Variants in LRRC53 observed in about 807,000 individuals in gnomAD.
LRRC53 encodes the protein leucine rich repeat containing 53.
In LRRC53, 25 loss-of-function variants were observed where a neutral mutation model predicts 13.6. The ratio of observed to expected loss-of-function variants is 1.83; its 90% CI spans 1.34 to 2.56. The LOEUF is 2.56. LRRC53 is among the 30% of genes most tolerant of loss of function. The pLI is 0.00. For missense variants in LRRC53, 527 were observed against 275.8 expected (o/e 1.91, Z -6.45); for synonymous variants, 204 against 109.8 (o/e 1.86, Z -5.37).
chr1:74,501,416 G>A (rs993244215), intron 1 of LRRC53, among the ~76,000 whole-genome samples: 2 of 152,092 alleles, frequency 1.3e-5, no homozygotes, highest in Non-Finnish European at 2.9e-5. Flanking sequence ...ATTTTATCTG[G>A]AGACATTAAT....
chr1:74,534,264 T>A, the LRRC53 span, among the ~76,000 whole-genome samples: 1 of 152,154 alleles, frequency 6.6e-6, no homozygotes, highest in Non-Finnish European at 1.5e-5. Context: ...TCTGTTATAA[T>A]TCACCAAATC....
chr1:74,495,224 G>C (rs947673855), intron 1 of LRRC53, among the ~76,000 whole-genome samples: 1 of 152,206 alleles, frequency 6.6e-6, no homozygotes, highest in South Asian at 2.1e-4. Flanking sequence ...TGCTGTGAGC[G>C]TGCATTCAAG....
upstream of LRRC53, among the ~76,000 whole-genome samples, chr1:74,516,452 G>A (rs556848504): frequency 6.6e-6 from 1 of 152,322 alleles, no homozygotes; most frequent in African/African-American, 2.4e-5. Context: ...AGGTGTCACA[G>A]TAAAGAGATG....
chr1:74,521,938 T>C, the LRRC53 span, among the ~76,000 whole-genome samples: 1 of 152,190 alleles, frequency 6.6e-6, no homozygotes, highest in Non-Finnish European at 1.5e-5. Flanking sequence ...ATTCTGGGGC[T>C]GCATCCAACT....
Position 74,471,513 on chromosome 1 carries a change from G to A in LRRC53, c.2109C>T (p.Thr703=). ...TTTTCCCTTTGAGGTCAGACTGAGG[G>A]GTTCTCTTCCTTTTCAGAACCCATG... ...TNSWVLKRKR[T]PQSDLKGKIK... The change falls in exon 5 of 5, where the codon ACC becomes ACT. Residue 703 remains threonine, a synonymous_variant. Coordinates refer to ENST00000294635, the MANE Select transcript of LRRC53 (RefSeq NM_001382280.1). 2.5e-6 allele frequency: 1 copy of A among 400,490 alleles called. No individual in the cohort carries two copies. The highest frequency in any genetic ancestry group is 1.3e-4 in the South Asian group (1 of 7,936). The allele number at this position is 400,490 out of a possible 1,614,324, so 24.8% of individuals were successfully genotyped here.
chr1:74,526,301 A>G, the LRRC53 span, among the ~76,000 whole-genome samples: 1 of 152,186 alleles, frequency 6.6e-6, no homozygotes, highest in Admixed American at 6.5e-5. Flanking sequence ...GGGGAAAAGA[A>G]TATGTATTGC....
At chr1:74,534,375 A>G in the LRRC53 span, among the ~76,000 whole-genome samples, 1 of 152,236 alleles carries the variant, frequency 6.6e-6, no homozygotes, top group South Asian at 2.1e-4. Context: ...TTTGGAATGC[A>G]ATTCAGTCAG....
chr1:74,514,389 G>T (rs748329288), upstream of LRRC53, among the ~76,000 whole-genome samples: 4 of 152,152 alleles, frequency 2.6e-5, no homozygotes, highest in African/African-American at 9.7e-5. Flanking sequence ...GTTCCTTATC[G>T]AGAGGAAGCA....
rs1667836795 is a variant in LRRC53 at position 74,469,832 on chromosome 1, AAAG to A, written c.*43_*45del. The A allele has an allele frequency of 5.0e-6, 2 of 400,062 alleles. No homozygotes were observed. Among genetic ancestry groups the A allele is most frequent in the Non-Finnish European group, 8.9e-6 (2 of 225,824 alleles). 24.8% of individuals were successfully genotyped at this position (400,062 alleles called of 1,614,324 possible). A position where few individuals can be genotyped will look rare whatever the true frequency, so the allele number is the denominator to read the frequency against. ...CTAGTGGGTGTTTGTCCTCTTGAAG[AAAG>A]CTAAAGTAGAAAAGGATTATTATTT... is the stretch of plus-strand genomic sequence containing the variant. On this transcript the variant is annotated 3_prime_UTR_variant, in exon 5 of 5. Coordinates refer to ENST00000294635, the MANE Select transcript of LRRC53 (RefSeq NM_001382280.1).
chr1:74,493,103 G>T (rs1306616268), intron 1 of LRRC53, among the ~76,000 whole-genome samples: 1 of 152,066 alleles, frequency 6.6e-6, no homozygotes, highest in Non-Finnish European at 1.5e-5. Context: ...CACATGGGAG[G>T]CTAGGGTTTC....
chr1:74,511,749 C>G (rs1405472731), intron 1 of LRRC53, among the ~76,000 whole-genome samples: 1 of 151,882 alleles, frequency 6.6e-6, no homozygotes, highest in East Asian at 1.9e-4. Context: ...TGAGAAGAGT[C>G]AAGGTAGGCT....
At chr1:74,523,022 G>A in the LRRC53 span, among the ~76,000 whole-genome samples, 1 of 152,160 alleles carries the variant, frequency 6.6e-6, no homozygotes, top group Non-Finnish European at 1.5e-5. Context: ...AGATCACAAG[G>A]TTTCTGTAAT....
intron 1 of LRRC53, 80 bp from the exon 2 acceptor site, chr1:74,483,455 G>A (rs1378040997): frequency 1.6e-6 from 1 of 626,678 alleles, no homozygotes; most frequent in African/African-American, 1.8e-5. Flanking sequence ...AGGTCATGAG[G>A]CATTTTGGTA....
chr1:74,501,474 G>GTGTGTGTTTGTT (rs138060844), intron 1 of LRRC53, among the ~76,000 whole-genome samples: 2 of 149,820 alleles, frequency 1.3e-5, no homozygotes, highest in African/African-American at 4.9e-5. Flanking sequence ...TTTTTGTTTT[G>GTGTGTGTTTGTT]TGTTTGTTTG....
intron 3 of LRRC53, among the ~76,000 whole-genome samples, chr1:74,476,695 A>G (rs1171719340): frequency 6.6e-6 from 1 of 152,190 alleles, no homozygotes; most frequent in African/African-American, 2.4e-5. Context: ...TACAGATTGA[A>G]TAAAGAGATC....
intron 3 of LRRC53, among the ~76,000 whole-genome samples, 196 bp downstream of exon 3, chr1:74,479,957 T>C (rs1460224998): frequency 2.0e-5 from 3 of 152,224 alleles, no homozygotes; most frequent in African/African-American, 7.2e-5. Context: ...CCCTTTCCTC[T>C]ATGTTAGACA....
In LRRC53 at chr1:74,469,911, T is replaced by G. The variant is rs887377703; in HGVS notation, c.3711A>C (p.Glu1237Asp). The stretch of plus-strand genomic sequence containing the variant: ...TTTCTAAAGGTGATGTAGTAGCATA[T>G]TCAGCAGATGGTGGATACAGTACAG... Reference protein sequence around the residue: ...PKPVLYPPSAEYATTSPLETE With the variant: ...PKPVLYPPSADYATTSPLETE Residue 1237 changes from glutamate (E) to aspartate (D), a missense_variant, in exon 5 of 5, where the codon GAA becomes GAC. Transcript: ENST00000294635. The G allele has an allele frequency of 1.7e-5, 7 of 400,548 alleles. No individual in the cohort carries two copies. Among genetic ancestry groups the G allele is most frequent in the Admixed American group, 4.4e-5 (1 of 22,722 alleles). The allele number at this position is 400,548 out of a possible 1,614,324, so 24.8% of individuals were successfully genotyped here. A position where few individuals can be genotyped will look rare whatever the true frequency, so the allele number is the denominator to read the frequency against.
rs574580455 is a variant in LRRC53 at position 74,498,921 on chromosome 1, T to G, written c.-27+13605A>C. On this transcript the variant is annotated intron_variant, in intron 1 of 4. Transcript: ENST00000294635. Reference sequence around the variant, plus strand: ...TGTTCCTTCAAAGGTAGATTTCATGTGCAGAGCATTAATATGACGCTTATT... The same window carrying G: ...TGTTCCTTCAAAGGTAGATTTCATGGGCAGAGCATTAATATGACGCTTATT... 2.0e-5 allele frequency among the ~76,000 whole-genome samples: 3 copies of G among 152,336 alleles called. No individual in the cohort carries two copies. In the South Asian group the frequency reaches 6.2e-4, roughly 32 times the overall value.
At chr1:74,508,429 A>G (rs964313576) in intron 1 of LRRC53, among the ~76,000 whole-genome samples, 2 of 152,208 alleles carry the variant, frequency 1.3e-5, no homozygotes, top group Non-Finnish European at 2.9e-5. Context: ...TTCACAGATG[A>G]GAAAAAATAA....
Sources: allele counts gnomAD v4.1 joint callset (sites outside exome capture counted in the v4.1 genomes callset), GRCh38; gene constraint gnomAD v4.1.1; transcripts MANE v1.5; gene names NCBI Gene and HGNC (gene_info 2026-07-23, HGNC 2026-07-21).